ALG9: variants seen among roughly 807,000 people sequenced by gnomAD.
The protein encoded by ALG9 is ALG9 alpha-1,2-mannosyltransferase.
Under a neutral mutation model 81.8 loss-of-function variants are expected in ALG9, and 55 were observed. That is an observed-to-expected ratio of 0.67 (90% confidence interval 0.54 to 0.84). The LOEUF (loss-of-function observed/expected upper bound fraction) is 0.84, where lower values mean the gene tolerates loss of function less well. Among genes scored for constraint, ALG9 ranks in the 40% least tolerant of loss-of-function variants. The pLI is 0.00. For synonymous variants in ALG9, 278 were observed against 274.3 expected (o/e 1.01, Z -0.13); for missense variants, 629 against 745.0 (o/e 0.84, Z 1.81).
intron 14 of ALG9, among the ~76,000 whole-genome samples, chr11:111,797,426 G>A (rs1452248311): frequency 1.3e-5 from 2 of 152,220 alleles, no homozygotes; most frequent in Non-Finnish European, 2.9e-5. Flanking sequence ...AAGCCACTCA[G>A]CTGCCTCCAG....
chr11:111,860,613 A>G lies in ALG9; in HGVS notation c.499T>C (p.Leu167=). 3.1e-6 allele frequency: 5 copies of G among 1,613,976 alleles called. No individual in the cohort carries two copies. Among genetic ancestry groups the G allele is most frequent in the Non-Finnish European group, 4.2e-6 (5 of 1,179,938 alleles). The change falls in exon 5 of 15, where the codon TTG becomes CTG. Residue 167 remains leucine (L), a synonymous_variant. Coordinates refer to ENST00000616540, the MANE Select transcript of ALG9 (RefSeq NM_024740.2). Reference sequence around the variant, plus strand: ...GCTAGCATCATTCGACTCACGTGCAACCCAAACTTCTTGCACACAGCCCTA... The same window carrying G: ...GCTAGCATCATTCGACTCACGTGCAGCCCAAACTTCTTGCACACAGCCCTA... ...FYKAVCKKFG[L]HVSRMMLAFL... is the part of the protein sequence containing the mutation.
At chr11:111,842,442 G>A (rs912820145) in intron 9 of ALG9, among the ~76,000 whole-genome samples, 10 of 151,656 alleles carry the variant, frequency 6.6e-5, no homozygotes, top group Non-Finnish European at 1.5e-4. Flanking sequence ...TTTCTCTTGA[G>A]ACAGGGTCTC....
intron 6 of ALG9, among the ~76,000 whole-genome samples, chr11:111,855,987 A>G (rs148265429): frequency 7.1e-4 from 108 of 152,224 alleles, no homozygotes; most frequent in Admixed American, 2.7e-3. Context: ...CTGTATAATA[A>G]TGTTCACTGG....
chr11:111,778,139 A>C (rs618031), downstream of ALG9: 107,497 of 151,862 alleles, frequency 0.71, 38,703 homozygotes, highest in African/African-American at 0.84. Flanking sequence ...TTTTTTTTAC[A>C]CCCATTGTTC....
chr11:111,844,860 T>A, intron 8 of ALG9, 137 bp from the exon 9 acceptor site: 1 of 929,922 alleles, frequency 1.1e-6, no homozygotes, highest in Non-Finnish European at 1.7e-6. Context: ...CAGCCCACTC[T>A]TCCCATGCTA....
intron 10 of ALG9, 149 bp from the exon 11 acceptor site, chr11:111,838,548 A>C (rs571165317): frequency 4.6e-5 from 31 of 679,242 alleles, no homozygotes; most frequent in Non-Finnish European, 6.1e-5. Context: ...ATAAAAGCCA[A>C]CTCCTCTAAG....
At chr11:111,797,982 T>C (rs1948551073) in intron 14 of ALG9, 1 of 157,322 alleles carries the variant, frequency 6.4e-6, no homozygotes, top group Admixed American at 6.5e-5. Context: ...TAACTCCTTA[T>C]TTGTATTTAC....
At chr11:111,848,032 A>G (rs1957176188) in intron 8 of ALG9, among the ~76,000 whole-genome samples, 1 of 152,204 alleles carries the variant, frequency 6.6e-6, no homozygotes, top group Non-Finnish European at 1.5e-5. Flanking sequence ...TCTTGTTTTC[A>G]GTGCAAAGAA....
intron 14 of ALG9, among the ~76,000 whole-genome samples, chr11:111,800,504 T>A (rs1948947398): frequency 1.3e-5 from 2 of 151,188 alleles, no homozygotes; most frequent in African/African-American, 4.9e-5. Context: ...TAAAATAAAA[T>A]AAAAAAGAAT....
intron 13 of ALG9, 100 bp from the exon 14 acceptor site, chr11:111,809,873 G>T: frequency 1.5e-6 from 2 of 1,354,090 alleles, no homozygotes; most frequent in Non-Finnish European, 1.1e-6. Context: ...AGCTTTGGAG[G>T]AACAAACATC....
intron 3 of ALG9, among the ~76,000 whole-genome samples, chr11:111,866,558 A>G (rs1015093894): frequency 3.3e-5 from 5 of 152,006 alleles, no homozygotes; most frequent in African/African-American, 1.2e-4. Context: ...AATGGCTAGG[A>G]AAAAGGAGAT....
intron 13 of ALG9, among the ~76,000 whole-genome samples, chr11:111,820,920 G>GCGCACACACA (rs72334123): frequency 2.1e-5 from 3 of 146,264 alleles, no homozygotes; most frequent in African/African-American, 7.6e-5. Flanking sequence ...AAACACGCGC[G>GCGCACACACA]CACACACACA....
chr11:111,839,219 T>C (rs1389547495), intron 10 of ALG9, among the ~76,000 whole-genome samples: 2 of 152,168 alleles, frequency 1.3e-5, no homozygotes, highest in African/African-American at 2.4e-5. Context: ...ATGCTATATA[T>C]TATATCCAAC....
chr11:111,809,413 C>T (rs1950372819), intron 14 of ALG9, among the ~76,000 whole-genome samples: 1 of 151,940 alleles, frequency 6.6e-6, no homozygotes, highest in East Asian at 1.9e-4. Context: ...GCCTGTAATC[C>T]CAGCTACTTG....
downstream of ALG9, among the ~76,000 whole-genome samples, chr11:111,780,249 CTT>C (rs1565509359): frequency 6.6e-6 from 1 of 152,142 alleles, no homozygotes; most frequent in Non-Finnish European, 1.5e-5. Context: ...CCCTTTCTCT[CTT>C]TTTAGAAGCT....
At chr11:111,845,162 G>T (rs1956774272) in intron 8 of ALG9, 2 of 191,938 alleles carry the variant, frequency 1.0e-5, no homozygotes, top group South Asian at 1.8e-4. Context: ...TTGGTGGCTG[G>T]GTGTGGTGGC....
chr11:111,827,251 C>T (rs556403324), intron 13 of ALG9, among the ~76,000 whole-genome samples: 2 of 151,844 alleles, frequency 1.3e-5, no homozygotes, highest in Non-Finnish European at 2.9e-5. Context: ...CTGAGGTGGG[C>T]GGAGCAACTG....
At chr11:111,806,702 A>T (rs1459529192) in intron 14 of ALG9, among the ~76,000 whole-genome samples, 2 of 152,160 alleles carry the variant, frequency 1.3e-5, no homozygotes, top group Non-Finnish European at 2.9e-5. Context: ...GTTCTAAATG[A>T]GTCTGAGTCT....
At chr11:111,866,114 G>A (rs554215295) in intron 3 of ALG9, among the ~76,000 whole-genome samples, 1 of 152,208 alleles carries the variant, frequency 6.6e-6, no homozygotes, top group South Asian at 2.1e-4. Context: ...GGCCAACATG[G>A]TGAAACCCCA....
Sources: allele counts gnomAD v4.1 joint callset (sites outside exome capture counted in the v4.1 genomes callset), GRCh38; gene constraint gnomAD v4.1.1; transcripts MANE v1.5; gene names NCBI Gene and HGNC (gene_info 2026-07-23, HGNC 2026-07-21).